PKD1L3: variants seen among roughly 807,000 people sequenced by gnomAD.
The protein encoded by PKD1L3 is polycystin-1-like protein 3.
PKD1L3 carries 239 observed loss-of-function variants against 184.1 expected under a neutral mutation model. That is an observed-to-expected ratio of 1.30 (90% CI 1.17 to 1.45). PKD1L3 has a LOEUF of 1.45. Among genes scored for constraint, PKD1L3 ranks in the 40% most tolerant of loss-of-function variants. The pLI, the probability that PKD1L3 is intolerant of heterozygous loss-of-function variation, is 0.00. For synonymous variants in PKD1L3, 996 were observed against 778.8 expected (o/e 1.28, Z -4.64); for missense variants, 2,660 against 2,067.2 (o/e 1.29, Z -5.56).
chr16:71,977,557 G>GGTCTTC (rs139541803), intron 10 of PKD1L3, 90 bp from the exon 11 acceptor site: 211,165 of 660,144 alleles, frequency 0.32, 33,826 homozygotes, highest in Middle Eastern at 0.42. Context: ...AAACGTCCTA[G>GGTCTTC]CTCTTTTTTT....
intron 25 of PKD1L3, among the ~76,000 whole-genome samples, chr16:71,936,129 GAAAA>G (rs1211272892): frequency 7.0e-6 from 1 of 143,332 alleles, no homozygotes; most frequent in African/African-American, 2.6e-5. Context: ...GCCTGAGAAT[GAAAA>G]AAAAAATACT....
At chr16:71,963,488 A>G (rs2039366455) in intron 15 of PKD1L3, 137 bp from the exon 16 acceptor site, 1 of 997,278 alleles carries the variant, frequency 1.0e-6, no homozygotes, top group African/African-American at 1.7e-5. Context: ...TAAGGAAAGG[A>G]AAGAAAGTTG....
intron 12 of PKD1L3, among the ~76,000 whole-genome samples, chr16:71,972,852 A>G (rs2039770970): frequency 6.6e-6 from 1 of 152,164 alleles, no homozygotes; most frequent in African/African-American, 2.4e-5. Context: ...GTGCAAATAT[A>G]ATAGTGCTGG....
At chr16:71,976,367 T>G (rs1464373217) in intron 11 of PKD1L3, among the ~76,000 whole-genome samples, 2 of 150,014 alleles carry the variant, frequency 1.3e-5, no homozygotes, top group East Asian at 3.9e-4. Flanking sequence ...GCAATTCTTC[T>G]GCCTCAGCCT....
At position 71,993,311 on chromosome 16, in the gene PKD1L3, G is replaced by A. The variant is rs1029644876; in HGVS notation, c.440C>T (p.Ala147Val). ...CQTGDFLDGD[A>V]HYERNGNNSH... ...ATTATTTCCATTTCTTTCATAATGGGCATCTCCGTCCAAAAAGTCACCTAT... is the reference window on the plus strand; with the variant it reads ...ATTATTTCCATTTCTTTCATAATGGACATCTCCGTCCAAAAAGTCACCTAT... The change falls in exon 3 of 30, where the codon GCC becomes GTC. Residue 147 changes from alanine to valine, a missense_variant. Transcript: ENST00000620267. 6.5e-7 allele frequency: 1 copy of A among 1,547,280 alleles called. No individual in the cohort carries two copies. Among genetic ancestry groups the A allele is most frequent in the African/African-American group, 1.4e-5 (1 of 72,524 alleles).
intron 24 of PKD1L3, among the ~76,000 whole-genome samples, chr16:71,938,509 A>C (rs1177885483): frequency 6.6e-6 from 1 of 152,220 alleles, no homozygotes; most frequent in Non-Finnish European, 1.5e-5. Flanking sequence ...GGATCATTTG[A>C]AGCCTGGGGG....
intron 18 of PKD1L3, 132 bp from the exon 19 acceptor site, chr16:71,951,876 A>T: frequency 1.3e-6 from 1 of 773,964 alleles, no homozygotes; most frequent in African/African-American, 1.8e-5. Flanking sequence ...TCAATTTTTC[A>T]TGTTCCTCTA....
intron 25 of PKD1L3, among the ~76,000 whole-genome samples, chr16:71,936,851 A>G (rs754411886): frequency 8.5e-5 from 13 of 152,180 alleles, no homozygotes; most frequent in Non-Finnish European, 1.8e-4. Context: ...TAAAACTACA[A>G]AAGTACTATT....
At position 71,950,010 on chromosome 16, in the gene PKD1L3, T is replaced by G. The variant is rs1164858256; in HGVS notation, c.3391A>C (p.Thr1131Pro). The G allele has an allele frequency of 5.8e-6, 9 of 1,551,060 alleles. No homozygotes were observed. The East Asian group carries it at 2.2e-4, about 38-fold the overall frequency. Reference protein sequence around the residue: ...PTEQEPSREVTSFAILSSEEG... With the variant: ...PTEQEPSREVPSFAILSSEEG... ...TCTGAGCTCAGGATGGCAAAACTGGTGACTTCCCTGAAGCACAAAAGTTGA... is the reference window on the plus strand; with the variant it reads ...TCTGAGCTCAGGATGGCAAAACTGGGGACTTCCCTGAAGCACAAAAGTTGA... The change falls in exon 21 of 30, where the codon ACC (threonine) becomes CCC (proline). Residue 1131 changes from threonine to proline, a missense_variant. Coordinates refer to ENST00000620267, the MANE Select transcript of PKD1L3 (RefSeq NM_181536.2).
chr16:71,977,117 G>A, intron 11 of PKD1L3, 119 bp downstream of exon 11: 7 of 763,484 alleles, frequency 9.2e-6, no homozygotes, highest in Non-Finnish European at 1.5e-5. Context: ...AGAGGCTAAG[G>A]CAGGAGGATC....
At chr16:71,937,761 C>G (rs956763514) in intron 24 of PKD1L3, among the ~76,000 whole-genome samples, 48 of 152,082 alleles carry the variant, frequency 3.2e-4, no homozygotes, top group African/African-American at 9.9e-4. Flanking sequence ...TGATACCCCA[C>G]GAGTACTAAC....
Position 71,984,044 on chromosome 16 carries a change from G to C in PKD1L3, c.958C>G (p.Pro320Ala). ...AGTCACCCTCCACTTACCTGAGCTG[G>C]CTTAGAAAATCTTGGGGTTAAGGCT... ...LTALTPRFSK[P>A]AQVNLINSLI... The change falls in exon 6 of 30, where the codon CCA becomes GCA. Residue 320 changes from proline (P) to alanine (A), a missense_variant. Pro to Ala is a conservative substitution (Grantham distance 27, BLOSUM62 -1). Coordinates refer to ENST00000620267, the MANE Select transcript of PKD1L3 (RefSeq NM_181536.2). 2 of 1,551,974 alleles carry C rather than the reference G, an allele frequency of 1.3e-6. No individual in the cohort carries two copies. The highest frequency in any genetic ancestry group is 1.7e-6 in the Non-Finnish European group (2 of 1,146,954).
Position 71,999,734 on chromosome 16 carries a change from A to C in PKD1L3, c.245T>G (p.Ile82Ser). Residue 82 changes from isoleucine (I) to serine (S), a missense_variant, in exon 1 of 30, where the codon ATT becomes AGT. Physicochemically the swap from Ile to Ser is moderately radical, Grantham distance 142 (BLOSUM62 -2). Transcript: ENST00000620267. ...DYLEEGKKWW[I>S]GQNVMPLKKH... ...TTTCAATGGCATTACATTTTGCCCA[A>C]TCCACCACTTCTTTCCTTCTTCCAG... is the stretch of plus-strand genomic sequence containing the variant. 1.3e-6 allele frequency: 2 copies of C among 1,551,528 alleles called. No individual in the cohort carries two copies. Among genetic ancestry groups the C allele is most frequent in the Non-Finnish European group, 1.7e-6 (2 of 1,146,860 alleles).
intron 9 of PKD1L3, 50 bp from the exon 10 acceptor site, chr16:71,978,433 G>A: frequency 2.0e-6 from 3 of 1,486,208 alleles, no homozygotes; most frequent in South Asian, 1.2e-5. Flanking sequence ...ATATTTTTAA[G>A]TGACCCCACT....
Position 71,974,975 on chromosome 16 carries a change from A to G in PKD1L3, c.1760-1458T>C, listed in dbSNP as rs578252491. Among the ~76,000 whole-genome samples, 8 of 152,254 alleles carry G rather than the reference A, an allele frequency of 5.3e-5. No homozygotes were observed. The East Asian group carries it at 1.5e-3, about 29-fold the overall frequency. ...ATACAGAAGTGTAGCTCTTATTAAG[A>G]CTTTTCAGTACTATATTTAAAGTTG... On this transcript the variant is annotated intron_variant, in intron 11 of 29. Coordinates refer to ENST00000620267, the MANE Select transcript of PKD1L3 (RefSeq NM_181536.2).
chr16:71,937,585 G>A (rs1044745427), intron 24 of PKD1L3, among the ~76,000 whole-genome samples, 166 bp from the exon 25 acceptor site: 7 of 152,182 alleles, frequency 4.6e-5, no homozygotes, highest in African/African-American at 1.4e-4. Flanking sequence ...CATTAAAGGA[G>A]ATCATGTATG....
chr16:71,940,827 T>C (rs1173072279), intron 24 of PKD1L3, among the ~76,000 whole-genome samples: 1 of 115,054 alleles, frequency 8.7e-6, no homozygotes, highest in Non-Finnish European at 1.7e-5. Flanking sequence ...TTAGCATTTA[T>C]TTGCTTTTTA....
At chr16:71,937,208 A>C in intron 25 of PKD1L3, 84 bp downstream of exon 25, 1 of 1,381,990 alleles carries the variant, frequency 7.2e-7, no homozygotes, top group Non-Finnish European at 9.8e-7. Context: ...GGTGCATGCC[A>C]CCACACCTGG....
At chr16:71,931,743 G>A (rs999262775) in intron 28 of PKD1L3, among the ~76,000 whole-genome samples, 2 of 152,074 alleles carry the variant, frequency 1.3e-5, no homozygotes, top group Non-Finnish European at 1.5e-5. Context: ...GGGATTACAG[G>A]CGTGAGCTAC....
Sources: gnomAD v4.1 joint callset for allele counts (sites outside exome capture counted in the v4.1 genomes callset) on GRCh38, gnomAD v4.1.1 for gene constraint, MANE v1.5 for transcripts, NCBI Gene and HGNC (gene_info 2026-07-23, HGNC 2026-07-21) for gene names.